The following CCNY variants were observed in gnomAD, a reference collection of about 807,000 sequenced individuals.
CCNY encodes the protein cyclin-Y.
A neutral mutation model predicts 42.8 loss-of-function variants in CCNY; 19 were observed. That is an observed-to-expected ratio of 0.44 (90% CI 0.31 to 0.65). The LOEUF is 0.65. Ranked by LOEUF, CCNY falls within the 30% of genes least tolerant of loss-of-function variation. The pLI is 0.07. For missense variants in CCNY, 370 were observed against 437.3 expected (o/e 0.85, Z 1.37); for synonymous variants, 165 against 162.7 (o/e 1.01, Z -0.11).
chr10:35,394,875 T>A, intron 1 of CCNY: 1 of 983,926 alleles, frequency 1.0e-6, no homozygotes, highest in Non-Finnish European at 1.2e-6. Context: ...TCCTTCTGAA[T>A]ACTGTGAGTC....
intron 1 of CCNY, among the ~76,000 whole-genome samples, chr10:35,358,451 G>GA (rs1162543512): frequency 3.9e-5 from 6 of 152,188 alleles, no homozygotes; most frequent in African/African-American, 1.4e-4. Flanking sequence ...AGTGGAGAAA[G>GA]ACCAGACTGT....
chr10:35,358,786 C>T (rs548869667), intron 1 of CCNY, among the ~76,000 whole-genome samples: 3 of 152,176 alleles, frequency 2.0e-5, no homozygotes, highest in African/African-American at 7.2e-5. Flanking sequence ...AGCTGATGAC[C>T]GTGAGCCACA....
At chr10:35,491,703 T>G (rs1354218623) in intron 2 of CCNY, among the ~76,000 whole-genome samples, 3 of 152,046 alleles carry the variant, frequency 2.0e-5, no homozygotes, top group Non-Finnish European at 1.5e-5. Context: ...ATGCTCTGCC[T>G]CCCGGGTTCA....
intron 1 of CCNY, chr10:35,449,665 C>T (rs745703613): frequency 8.6e-5 from 59 of 687,166 alleles, no homozygotes; most frequent in East Asian, 5.3e-4. Flanking sequence ...GATCCATTGC[C>T]GAGTAGGGGG....
intron 3 of CCNY, among the ~76,000 whole-genome samples, chr10:35,266,182 A>G (rs2095725026): frequency 6.6e-6 from 1 of 150,588 alleles, no homozygotes; most frequent in Non-Finnish European, 1.5e-5. Flanking sequence ...GGTTCAAGCA[A>G]TTCTCCTGTC....
At chr10:35,366,488 A>C (rs1421749045) in intron 1 of CCNY, among the ~76,000 whole-genome samples, 6 of 152,140 alleles carry the variant, frequency 3.9e-5, no homozygotes, top group Non-Finnish European at 7.3e-5. Context: ...ACTTTAAAGG[A>C]TATTACTTGT....
At chr10:35,548,597 A>G (rs1482777427) in intron 7 of CCNY, among the ~76,000 whole-genome samples, 1 of 152,146 alleles carries the variant, frequency 6.6e-6, no homozygotes, top group Non-Finnish European at 1.5e-5. Context: ...CACCCAGCCA[A>G]GAAAATATAT....
At chr10:35,287,169 A>G (rs1835363709) in intron 3 of CCNY, among the ~76,000 whole-genome samples, 1 of 152,230 alleles carries the variant, frequency 6.6e-6, no homozygotes, top group Non-Finnish European at 1.5e-5. Flanking sequence ...ACTCATTATT[A>G]TAAAAATGTG....
chr10:35,477,931 T>C (rs1370315958), intron 1 of CCNY, among the ~76,000 whole-genome samples: 1 of 145,604 alleles, frequency 6.9e-6, no homozygotes, highest in African/African-American at 2.5e-5. Context: ...ATAAGCAACT[T>C]CAGCAAAGTC....
At chr10:35,529,347 A>G (rs1210930650) in intron 5 of CCNY, among the ~76,000 whole-genome samples, 3 of 152,214 alleles carry the variant, frequency 2.0e-5, no homozygotes, top group Admixed American at 6.5e-5. Flanking sequence ...AGCAGATCCA[A>G]CAACCTTTGC....
At chr10:35,309,776 T>C (rs1359962143) in intron 3 of CCNY, among the ~76,000 whole-genome samples, 1 of 152,012 alleles carries the variant, frequency 6.6e-6, no homozygotes, top group Non-Finnish European at 1.5e-5. Context: ...TATACATATT[T>C]CTGGAGTACA....
intron 3 of CCNY, among the ~76,000 whole-genome samples, chr10:35,317,743 A>T (rs1835776861): frequency 6.6e-6 from 1 of 152,168 alleles, no homozygotes. Context: ...GGGAAAGGGG[A>T]CGTGGGGAAT....
intron 2 of CCNY, among the ~76,000 whole-genome samples, chr10:35,493,097 A>T (rs1839935106): frequency 6.6e-6 from 1 of 151,706 alleles, no homozygotes; most frequent in African/African-American, 2.4e-5. Context: ...GCATCACCTG[A>T]CTCCAGTATT....
chr10:35,431,630 A>G (rs768719262), intron 1 of CCNY, among the ~76,000 whole-genome samples: 2 of 151,744 alleles, frequency 1.3e-5, no homozygotes, highest in Non-Finnish European at 2.9e-5. Context: ...CTTCGTTTTC[A>G]TTGACTGAAC....
chr10:35,248,467 A>G (rs2095709702), intron 2 of CCNY, among the ~76,000 whole-genome samples: 1 of 151,798 alleles, frequency 6.6e-6, no homozygotes. Context: ...AACACAGCGA[A>G]ACCCCATCTC....
intron 3 of CCNY, among the ~76,000 whole-genome samples, chr10:35,329,474 G>A (rs1835916607): frequency 6.6e-6 from 1 of 152,106 alleles, no homozygotes; most frequent in Non-Finnish European, 1.5e-5. Flanking sequence ...TCCATTCTTT[G>A]GGGAGAGGTT....
intron 3 of CCNY, among the ~76,000 whole-genome samples, chr10:35,307,371 A>G (rs921561005): frequency 3.3e-5 from 5 of 152,258 alleles, no homozygotes; most frequent in Non-Finnish European, 7.3e-5. Context: ...CATAAACGCC[A>G]TGGAGTTTAA....
rs77393404 is a variant in CCNY, at chr10:35,415,942, C to T, written c.155-67462C>T. Among the ~76,000 whole-genome samples, 137 of 152,332 alleles carry T rather than the reference C, an allele frequency of 9.0e-4. 3 individuals are homozygous for T. In the East Asian group the frequency reaches 0.026, roughly 29 times the overall value. ...AAACCAATGATTTTTTAAAAGGCAT[C>T]TTTTCTTCATTTAGAATTGGTGTAT... On this transcript the variant is annotated intron_variant, in intron 1 of 9. Transcript: ENST00000374704.
At chr10:35,472,980 C>T (rs151103851) in intron 1 of CCNY, among the ~76,000 whole-genome samples, 145 of 152,212 alleles carry the variant, frequency 9.5e-4, no homozygotes, top group African/African-American at 2.9e-3. Context: ...CTGAATTCAA[C>T]GGAATTGCCT....
Sources: gnomAD v4.1 joint callset for allele counts (sites outside exome capture counted in the v4.1 genomes callset) on GRCh38, gnomAD v4.1.1 for gene constraint, MANE v1.5 for transcripts, NCBI Gene and HGNC (gene_info 2026-07-23, HGNC 2026-07-21) for gene names.